SMYD5: variants seen among roughly 807,000 people sequenced by gnomAD.
SMYD5 encodes the protein protein-lysine N-trimethyltransferase SMYD5.
A neutral mutation model predicts 57.4 loss-of-function variants in SMYD5; 35 were observed. The ratio of observed to expected loss-of-function variants is 0.61; its 90% CI spans 0.47 to 0.81. SMYD5 has a LOEUF of 0.81. Ranked by LOEUF, SMYD5 falls within the 30% of genes least tolerant of loss-of-function variation. The pLI, the probability that SMYD5 is intolerant of heterozygous loss-of-function variation, is 0.00. For synonymous variants in SMYD5, 198 were observed against 189.7 expected (o/e 1.04, Z -0.36); for missense variants, 471 against 527.9 (o/e 0.89, Z 1.06).
In SMYD5 at chr2:73,224,963, G is replaced by C; in HGVS notation, c.1035+3G>C. On this transcript the variant is annotated splice_donor_region_variant and intron_variant, in intron 11 of 12. Coordinates refer to ENST00000389501, the MANE Select transcript of SMYD5 (RefSeq NM_006062.3). Reference sequence around the variant, plus strand: ...TGGAGGATATTAAGCCAGGAGAGGTGAGGGGGACCAGGAACCGTCGGGATG... The same window carrying C: ...TGGAGGATATTAAGCCAGGAGAGGTCAGGGGGACCAGGAACCGTCGGGATG... 6.2e-7 allele frequency: 1 copy of C among 1,612,554 alleles called. No individual in the cohort carries two copies.
rs745798112 is a variant in SMYD5, at chr2:73,225,944, T to G, written c.1255T>G (p.Ter419GlyextTer76). 3 of 1,612,508 alleles carry G rather than the reference T, an allele frequency of 1.9e-6. No individual in the cohort carries two copies. In the African/African-American group the frequency reaches 4.0e-5, roughly 22 times the overall value. ...GCTGGGGGATGAGATGACTGATGTG[T>G]GATGTTGCCCTGCCCAGAAAGGGCC... ...AELGDEMTDV[*>G] Residue 419 changes from the stop codon to glycine, a stop_lost, in exon 13 of 13, where the codon TGA (stop) becomes GGA (glycine). Transcript: ENST00000389501.
At chr2:73,220,842 C>A in intron 4 of SMYD5, 60 bp downstream of exon 4, 1 of 1,581,174 alleles carries the variant, frequency 6.3e-7, no homozygotes, top group Non-Finnish European at 8.6e-7. Flanking sequence ...CCTGCCTGGG[C>A]TCATCAGGTG....
chr2:73,226,231 G>C lies in SMYD5; in HGVS notation c.*285G>C. Reference sequence around the variant, plus strand: ...CTCCACTCTAGGGTTTGAGGGGCTGGAATCAGGGCCAGGGCCTAACAGTGT... The same window carrying C: ...CTCCACTCTAGGGTTTGAGGGGCTGCAATCAGGGCCAGGGCCTAACAGTGT... On this transcript the variant is annotated 3_prime_UTR_variant, in exon 13 of 13. Transcript: ENST00000389501. The C allele has an allele frequency of 2.2e-6, 1 of 460,150 alleles. No individual in the cohort carries two copies. Among genetic ancestry groups the C allele is most frequent in the Non-Finnish European group, 3.9e-6 (1 of 259,022 alleles). 28.5% of individuals were successfully genotyped at this position (460,150 alleles called of 1,614,324 possible).
At chr2:73,216,685 A>C (rs750984843) in intron 1 of SMYD5, among the ~76,000 whole-genome samples, 46 of 151,904 alleles carry the variant, frequency 3.0e-4, no homozygotes, top group Non-Finnish European at 4.9e-4. Flanking sequence ...ACAGAGGGAG[A>C]CTCCATCTCA....
intron 1 of SMYD5, among the ~76,000 whole-genome samples, chr2:73,216,212 A>C (rs1686290710): frequency 6.6e-6 from 1 of 152,228 alleles, no homozygotes; most frequent in Admixed American, 6.5e-5. Flanking sequence ...GCCGGATAGC[A>C]GCATGGCTTA....
In SMYD5 at chr2:73,225,784, C is replaced by G. The variant is rs1377234794; in HGVS notation, c.1107-12C>G. ...CCTGACTTTTCCCCCTCACCATCCC[C>G]CACCGCTGCAGGGAGAACTATCTAT... On this transcript the variant is annotated splice_polypyrimidine_tract_variant and intron_variant, in intron 12 of 12. Coordinates refer to ENST00000389501, the MANE Select transcript of SMYD5 (RefSeq NM_006062.3). 3 of 1,614,128 alleles carry G rather than the reference C, an allele frequency of 1.9e-6. No individual in the cohort carries two copies. Among genetic ancestry groups the G allele is most frequent in the Non-Finnish European group, 2.5e-6 (3 of 1,179,974 alleles).
intron 1 of SMYD5, among the ~76,000 whole-genome samples, chr2:73,215,157 T>TTTGGTA: frequency 6.6e-6 from 1 of 152,222 alleles, no homozygotes; most frequent in Non-Finnish European, 1.5e-5. Context: ...TTGTATGGTA[T>TTTGGTA]TTTTCATCCC....
At chr2:73,223,132 G>C in intron 8 of SMYD5, 26 bp downstream of exon 8, 1 of 1,597,686 alleles carries the variant, frequency 6.3e-7, no homozygotes, top group Non-Finnish European at 8.6e-7. Context: ...AGCTATTGAA[G>C]TTACTCTCAG....
At chr2:73,224,625 C>T (rs1021098372) in intron 10 of SMYD5, among the ~76,000 whole-genome samples, 8 of 152,248 alleles carry the variant, frequency 5.3e-5, no homozygotes, top group South Asian at 2.1e-4. Flanking sequence ...AGTGGGAACA[C>T]GACTGAGAAT....
intron 1 of SMYD5, among the ~76,000 whole-genome samples, chr2:73,215,805 G>T (rs1686284641): frequency 6.6e-6 from 1 of 152,076 alleles, no homozygotes; most frequent in African/African-American, 2.4e-5. Flanking sequence ...TAACATACCT[G>T]CCTGGACTTG....
intron 7 of SMYD5, 99 bp from the exon 8 acceptor site, chr2:73,222,937 A>G (rs1201691024): frequency 4.7e-6 from 7 of 1,483,624 alleles, no homozygotes; most frequent in Non-Finnish European, 6.6e-6. Flanking sequence ...TCTGGAGTTC[A>G]GATGAGCCTG....
Position 73,221,112 on chromosome 2 carries a change from G to T in SMYD5, c.468-53G>T, listed in dbSNP as rs150100294. 120 of 1,487,522 alleles carry T rather than the reference G, an allele frequency of 8.1e-5. No individual in the cohort carries two copies. The African/African-American group carries it at 1.4e-3, about 17-fold the overall frequency. 92.1% of individuals were successfully genotyped at this position (1,487,522 alleles called of 1,614,324 possible). A position where few individuals can be genotyped will look rare whatever the true frequency, so the allele number is the denominator to read the frequency against. On this transcript the variant is annotated intron_variant, in intron 4 of 12. Transcript: ENST00000389501. ...TACCAGTCAGACTCGGCTTCCCTGA[G>T]CTCAGCTACTAGGGAGAGAATTTCT...
At position 73,226,146 on chromosome 2, in the gene SMYD5, A is replaced by G. The variant is rs1686499438; in HGVS notation, c.*200A>G. 2 of 696,518 alleles carry G rather than the reference A, an allele frequency of 2.9e-6. No homozygotes were observed. Among genetic ancestry groups the G allele is most frequent in the Non-Finnish European group, 4.7e-6 (2 of 429,598 alleles). 43.1% of individuals were successfully genotyped at this position (696,518 alleles called of 1,614,324 possible). The stretch of plus-strand genomic sequence containing the variant: ...CCTCATGCCCTGGACACTGCTGCTG[A>G]GTTGGCTCAGACTCTGCACTGGCAC... On this transcript the variant is annotated 3_prime_UTR_variant, in exon 13 of 13. Transcript: ENST00000389501.
chr2:73,214,258 G>T lies in SMYD5; in HGVS notation c.-9G>T, dbSNP rs377259798. 59 of 1,613,250 alleles carry T rather than the reference G, an allele frequency of 3.7e-5. No homozygotes were observed. The Middle Eastern group carries it at 9.9e-4, about 27-fold the overall frequency. On this transcript the variant is annotated 5_prime_UTR_variant, in exon 1 of 13. Transcript: ENST00000389501. ...GGGTTAAGGGTCATAAGGCGGAGGC[G>T]CGCCCAAGATGGCGGCCTCCATGTG...
Position 73,224,011 on chromosome 2 carries a change from A to T in SMYD5, c.940+8A>T. On this transcript the variant is annotated splice_region_variant and intron_variant, in intron 10 of 12. Transcript: ENST00000389501. ...TTGTGCTTCAGAGCTGCTGTGAGTC[A>T]TGGCGTTGAGGAGGGATGGTCCCAG... is the stretch of plus-strand genomic sequence containing the variant. The T allele has an allele frequency of 1.2e-6, 2 of 1,613,912 alleles. No homozygotes were observed. The highest frequency in any genetic ancestry group is 1.7e-6 in the Non-Finnish European group (2 of 1,179,768).
chr2:73,214,608 G>A (rs1417597548), intron 1 of SMYD5: 6 of 1,512,786 alleles, frequency 4.0e-6, no homozygotes, highest in Non-Finnish European at 1.8e-6. Context: ...GCCAGCCCGC[G>A]GGAGGCCCTT....
At chr2:73,219,332 C>T (rs1024380149) in intron 2 of SMYD5, among the ~76,000 whole-genome samples, 5 of 152,106 alleles carry the variant, frequency 3.3e-5, no homozygotes, top group African/African-American at 7.2e-5. Context: ...AGCACAAGTA[C>T]GATGCCCTTA....
chr2:73,215,871 T>G (rs1041817236), intron 1 of SMYD5, among the ~76,000 whole-genome samples: 1 of 152,218 alleles, frequency 6.6e-6, no homozygotes, highest in Non-Finnish European at 1.5e-5. Flanking sequence ...GAGATTGGTT[T>G]GTGATTTTTT....
intron 4 of SMYD5, 65 bp from the exon 5 acceptor site, chr2:73,221,100 C>T (rs1479728502): frequency 7.1e-6 from 10 of 1,407,008 alleles, no homozygotes; most frequent in African/African-American, 2.8e-5. Context: ...CAGTCAGACT[C>T]GGCTTCCCTG....
Sources: gnomAD v4.1 joint callset for allele counts (sites outside exome capture counted in the v4.1 genomes callset) on GRCh38, gnomAD v4.1.1 for gene constraint, MANE v1.5 for transcripts, NCBI Gene and HGNC (gene_info 2026-07-23, HGNC 2026-07-21) for gene names.